The following MAN2A2 variants were observed in gnomAD, a reference collection of about 807,000 sequenced individuals.
MAN2A2 encodes the protein mannosidase alpha class 2A member 2.
In MAN2A2, 79 loss-of-function variants were observed where a neutral mutation model predicts 126.8. That is an observed-to-expected ratio of 0.62 (90% confidence interval 0.52 to 0.75). The LOEUF is 0.75. MAN2A2 is among the 30% of genes least tolerant of loss of function. The pLI, the probability that MAN2A2 is intolerant of heterozygous loss-of-function variation, is 0.00. For synonymous variants in MAN2A2, 671 were observed against 618.7 expected, an observed-to-expected ratio of 1.08 and a Z score of -1.25; for missense variants, 1,392 against 1,522.4, an observed-to-expected ratio of 0.91 and a Z score of 1.43.
Position 90,912,603 on chromosome 15 carries a change from G to A in MAN2A2, c.2408G>A (p.Gly803Asp). ...QQVDMQVLVY[G>D]TRTSKDKSGA... ...GTGGACATGCAGGTCCTTGTCTATG[G>A]CACCCGTACGTCCAAAGACAAGAGT... Residue 803 changes from glycine to aspartate, a missense_variant, in exon 16 of 23, where the codon GGC becomes GAC. Coordinates refer to ENST00000559717, the MANE Select transcript of MAN2A2 (RefSeq NM_006122.4). 1 of 1,614,186 alleles carries A rather than the reference G, an allele frequency of 6.2e-7. No homozygotes were observed. The highest frequency in any genetic ancestry group is 1.1e-5 in the South Asian group (1 of 91,088).
chr15:90,909,790 A>G (rs2034582481), intron 9 of MAN2A2, among the ~76,000 whole-genome samples: 1 of 152,086 alleles, frequency 6.6e-6, no homozygotes, highest in Non-Finnish European at 1.5e-5. Context: ...GTTTTAGTAG[A>G]GATGGGGTTT....
At chr15:90,907,202 T>G in intron 7 of MAN2A2, 107 bp from the exon 8 acceptor site, 1 of 1,157,834 alleles carries the variant, frequency 8.6e-7, no homozygotes, top group Non-Finnish European at 1.2e-6. Context: ...TAGGTCCAGT[T>G]ACAGCCTCGC....
chr15:90,915,981 C>T, intron 19 of MAN2A2, 142 bp from the exon 20 acceptor site: 1 of 875,510 alleles, frequency 1.1e-6, no homozygotes, highest in Non-Finnish European at 1.7e-6. Context: ...CCGTGGGAAC[C>T]CGTGACCTCT....
chr15:90,913,108 G>A, intron 17 of MAN2A2, 117 bp downstream of exon 17: 3 of 1,150,382 alleles, frequency 2.6e-6, no homozygotes, highest in Middle Eastern at 2.0e-4. Context: ...TTGAGACAGG[G>A]ATGCTCCATT....
In MAN2A2 at chr15:90,906,399, C is replaced by T. The variant is rs374359568; in HGVS notation, c.737C>T (p.Ala246Val). ...RLVGNGQLEI[A>V]TGGWVMPDEA... is the part of the protein sequence containing the mutation. ...GTGGGAAACGGGCAGCTGGAGATTGCGACAGGAGGCTGGGTGATGCCAGAT... is the reference window on the plus strand; with the variant it reads ...GTGGGAAACGGGCAGCTGGAGATTGTGACAGGAGGCTGGGTGATGCCAGAT... The change falls in exon 6 of 23, where the codon GCG becomes GTG. Residue 246 changes from alanine to valine, a missense_variant. Coordinates refer to ENST00000559717, the MANE Select transcript of MAN2A2 (RefSeq NM_006122.4). The T allele has an allele frequency of 3.3e-5, 53 of 1,614,090 alleles. No homozygotes were observed. The Middle Eastern group carries it at 6.6e-4, about 20-fold the overall frequency.
At position 90,912,661 on chromosome 15, in the gene MAN2A2, C is replaced by T. The variant is rs1277332083; in HGVS notation, c.2466C>T (p.Ala822=). 1.9e-6 allele frequency: 3 copies of T among 1,614,056 alleles called. No individual in the cohort carries two copies. The South Asian group carries it at 3.3e-5, about 18-fold the overall frequency. ...GAYLFLPDGE[A]KPYVPKEPPV... ...ACCTCTTCCTGCCCGATGGCGAGGC[C>T]AAGGTATCCTAAAGATGCCTTGAAC... Residue 822 remains alanine, a synonymous_variant, in exon 16 of 23, where the codon GCC becomes GCT. Coordinates refer to ENST00000559717, the MANE Select transcript of MAN2A2 (RefSeq NM_006122.4).
intron 19 of MAN2A2, 188 bp from the exon 20 acceptor site, chr15:90,915,935 G>A (rs1028331578): frequency 7.2e-6 from 4 of 554,518 alleles, no homozygotes; most frequent in African/African-American, 5.7e-5. Flanking sequence ...GCAAAATAAC[G>A]GCCCAGGACG....
intron 21 of MAN2A2, 91 bp downstream of exon 21, chr15:90,918,479 C>A: frequency 2.1e-6 from 3 of 1,432,974 alleles, no homozygotes; most frequent in Non-Finnish European, 2.9e-6. Flanking sequence ...GGATGAGGTC[C>A]AGACCCCTTA....
At chr15:90,912,813 G>A in intron 16 of MAN2A2, 64 bp from the exon 17 acceptor site, 1 of 1,560,152 alleles carries the variant, frequency 6.4e-7, no homozygotes, top group Non-Finnish European at 8.8e-7. Flanking sequence ...CCCAGCCCTG[G>A]GCTGGCACCT....
Position 90,910,151 on chromosome 15 carries a change from C to G in MAN2A2, c.1436C>G (p.Pro479Arg). The G allele has an allele frequency of 6.2e-7, 1 of 1,614,072 alleles. No individual in the cohort carries two copies. The highest frequency in any genetic ancestry group is 8.5e-7 in the Non-Finnish European group (1 of 1,180,018). The part of the protein sequence containing the change: ...DALYKRTGVE[P>R]GARPPGFPVL... ...CTGTACAAGAGGACAGGGGTGGAGC[C>G]AGGGGCCCGGCCTCCAGGGTTTCCT... The change falls in exon 10 of 23, where the codon CCA (proline) becomes CGA (arginine). Residue 479 changes from proline (P) to arginine (R), a missense_variant. By Grantham distance (103) the Pro-to-Arg change is moderately radical (BLOSUM62 -2). Transcript: ENST00000559717.
chr15:90,911,593 CG>C, intron 14 of MAN2A2, 43 bp downstream of exon 14: 1 of 1,568,146 alleles, frequency 6.4e-7, no homozygotes, highest in Non-Finnish European at 8.7e-7. Context: ...CTCTGCCCGT[CG>C]TGGGCCCCTC....
chr15:90,911,691 G>T (rs1442756570), intron 14 of MAN2A2, 141 bp downstream of exon 14: 2 of 945,464 alleles, frequency 2.1e-6, no homozygotes, highest in East Asian at 2.6e-5. Context: ...GGAGGGGGTT[G>T]TCCAGAAGAC....
chr15:90,904,426 A>AC lies in MAN2A2; in HGVS notation c.132+93dup, dbSNP rs1423542770. Reference sequence around the variant, plus strand: ...CTCCCACCCCGCCGCCTCCCCTCCCACCCCCCGCTGGAGGGTAATGTCAGT... The same window carrying AC: ...CTCCCACCCCGCCGCCTCCCCTCCCACCCCCCCGCTGGAGGGTAATGTCAGT... On this transcript the variant is annotated intron_variant, in intron 2 of 22. Transcript: ENST00000559717. 7.4e-5 allele frequency: 96 copies of AC among 1,294,962 alleles called. 1 individual carries two copies. The highest frequency in any genetic ancestry group is 2.7e-4 in the Middle Eastern group (1 of 3,724). The allele number at this position is 1,294,962 out of a possible 1,614,324, so 80.2% of individuals were successfully genotyped here. A position where few individuals can be genotyped will look rare whatever the true frequency, so the allele number is the denominator to read the frequency against.
chr15:90,908,578 A>T (rs529594251), intron 8 of MAN2A2, among the ~76,000 whole-genome samples: 1 of 138,670 alleles, frequency 7.2e-6, no homozygotes, highest in East Asian at 2.7e-4. Context: ...TTATTTATTT[A>T]ATTTAATTTT....
At chr15:90,907,966 G>T (rs183156997) in intron 8 of MAN2A2, among the ~76,000 whole-genome samples, 10 of 152,206 alleles carry the variant, frequency 6.6e-5, no homozygotes, top group South Asian at 2.1e-4. Context: ...ATCAGGCCCC[G>T]GGGGAAAGTG....
In MAN2A2 at chr15:90,907,069, G is replaced by C. The variant is rs1168118876; in HGVS notation, c.1009+156G>C. On this transcript the variant is annotated intron_variant, in intron 7 of 22. Transcript: ENST00000559717. ...GGTCGCACCCTCTGGTTAGGGGAGG[G>C]CCATATTGACCTCTGGCCTCTACAG... 3.0e-6 allele frequency: 3 copies of C among 1,015,850 alleles called. No homozygotes were observed. The African/African-American group carries it at 4.8e-5, about 16-fold the overall frequency. The allele number at this position is 1,015,850 out of a possible 1,614,324, so 62.9% of individuals were successfully genotyped here.
At chr15:90,908,324 A>G (rs541198813) in intron 8 of MAN2A2, among the ~76,000 whole-genome samples, 1 of 152,344 alleles carries the variant, frequency 6.6e-6, no homozygotes, top group East Asian at 1.9e-4. Context: ...TCTCATGAGA[A>G]CAGAGTAGAA....
intron 14 of MAN2A2, 85 bp downstream of exon 14, chr15:90,911,635 C>T: frequency 7.1e-7 from 1 of 1,412,862 alleles, no homozygotes; most frequent in East Asian, 2.5e-5. Context: ...TCCCACCCTC[C>T]TGCTTGTGGC....
rs755006456 is a variant in MAN2A2 at position 90,918,626 on chromosome 15, G to A, written c.3190-19G>A. The A allele has an allele frequency of 1.3e-6, 2 of 1,487,196 alleles. No individual in the cohort carries two copies. The highest frequency in any genetic ancestry group is 2.3e-5 in the South Asian group (2 of 88,292). 92.1% of individuals were successfully genotyped at this position (1,487,196 alleles called of 1,614,324 possible). ...TGAAAGCCCTGCGCCCACTTCCCTG[G>A]GCACTGTCTGTCATCCAGGAGGACA... On this transcript the variant is annotated intron_variant, in intron 21 of 22. Transcript: ENST00000559717.
Sources: gnomAD v4.1 joint callset for allele counts (sites outside exome capture counted in the v4.1 genomes callset) on GRCh38, gnomAD v4.1.1 for gene constraint, MANE v1.5 for transcripts, NCBI Gene and HGNC (gene_info 2026-07-23, HGNC 2026-07-21) for gene names.